Variants in VAV1 observed in about 807,000 individuals in gnomAD.
VAV1 encodes the protein vav guanine nucleotide exchange factor 1.
In VAV1, 33 loss-of-function variants were observed where a neutral mutation model predicts 128.1. That is an observed-to-expected ratio of 0.26 (90% CI 0.20 to 0.34). The LOEUF (loss-of-function observed/expected upper bound fraction) is 0.34, where lower values mean the gene tolerates loss of function less well. Among genes scored for constraint, VAV1 ranks in the 10% least tolerant of loss-of-function variants. The pLI is 1.00. For synonymous variants in VAV1, 394 were observed against 409.8 expected (o/e 0.96, Z 0.47); for missense variants, 715 against 1,093.7 (o/e 0.65, Z 4.88).
intron 6 of VAV1, among the ~76,000 whole-genome samples, chr19:6,823,497 T>C (rs1054395277): frequency 6.6e-6 from 1 of 151,230 alleles, no homozygotes; most frequent in African/African-American, 2.4e-5. Context: ...AGATATGTAA[T>C]AGATACAAAT....
chr19:6,843,315 C>A, intron 22 of VAV1, 149 bp downstream of exon 22: 1 of 893,916 alleles, frequency 1.1e-6, no homozygotes, highest in Non-Finnish European at 1.8e-6. Context: ...CTGGGGGCTG[C>A]TGGGGATGGG....
At position 6,822,075 on chromosome 19, in the gene VAV1, T is replaced by C. The variant is rs1033670809; in HGVS notation, c.450-146T>C. On this transcript the variant is annotated intron_variant, in intron 4 of 26. Coordinates refer to ENST00000602142, the MANE Select transcript of VAV1 (RefSeq NM_005428.4). This position sits in a 1 kb window ranked among gnomAD's most constrained non-coding sequence, Gnocchi z 5.9. ...GGTCTTGGGGGACATGGCCCTGCCC[T>C]GGAGCTTGGAGGGACATGGCCTGCC... 29 of 991,406 alleles carry C rather than the reference T, an allele frequency of 2.9e-5. No individual in the cohort carries two copies. The highest frequency in any genetic ancestry group is 4.1e-5 in the Non-Finnish European group (27 of 662,532). 61.4% of individuals were successfully genotyped at this position (991,406 alleles called of 1,614,324 possible).
intron 1 of VAV1, among the ~76,000 whole-genome samples, chr19:6,796,449 C>T (rs776744161): frequency 5.3e-5 from 8 of 152,296 alleles, no homozygotes; most frequent in East Asian, 1.9e-4. Flanking sequence ...CCCTCCCCCT[C>T]GCTTACTCTG....
Position 6,833,525 on chromosome 19 carries a change from C to T in VAV1, c.1611-3C>T. 6.3e-7 allele frequency: 1 copy of T among 1,598,078 alleles called. No homozygotes were observed. The highest frequency in any genetic ancestry group is 8.5e-7 in the Non-Finnish European group (1 of 1,171,198). On this transcript the variant is annotated splice_region_variant and splice_polypyrimidine_tract_variant and intron_variant, in intron 16 of 26. Transcript: ENST00000602142. ...TCTTCTTTATGTGTTCCCTGCATCT[C>T]AGAGGTACCTTCTATCAGGGCTACC...
intron 15 of VAV1, 28 bp from the exon 16 acceptor site, chr19:6,833,151 CTTTTT>C: frequency 7.0e-7 from 1 of 1,419,694 alleles, no homozygotes; most frequent in Non-Finnish European, 9.6e-7. Context: ...TACTGACCTT[CTTTTT>C]TTTTTTTTTT....
chr19:6,848,154 G>A, intron 23 of VAV1, 40 bp downstream of exon 23: 2 of 1,499,394 alleles, frequency 1.3e-6, no homozygotes, highest in Non-Finnish European at 1.8e-6. Context: ...TTTGGGGCCT[G>A]GGCCCTGCGG....
At chr19:6,834,106 G>A (rs572176024) in intron 19 of VAV1, among the ~76,000 whole-genome samples, 153 bp downstream of exon 19, 20 of 152,060 alleles carry the variant, frequency 1.3e-4, no homozygotes, top group Non-Finnish European at 2.5e-4. Context: ...GGAGGCCAAG[G>A]CGGGAGGATC....
intron 1 of VAV1, among the ~76,000 whole-genome samples, chr19:6,796,540 C>T (rs1477230825): frequency 6.6e-6 from 1 of 152,164 alleles, no homozygotes; most frequent in African/African-American, 2.4e-5. Context: ...GCCTGAAATG[C>T]TTTTTTCTCA....
intron 23 of VAV1, 84 bp downstream of exon 23, chr19:6,848,198 T>C: frequency 7.5e-7 from 1 of 1,341,820 alleles, no homozygotes; most frequent in Non-Finnish European, 1.0e-6. Context: ...TTTTACTTTA[T>C]AGAAGTGTAC....
intron 1 of VAV1, among the ~76,000 whole-genome samples, chr19:6,788,524 G>T (rs990319638): frequency 4.0e-5 from 6 of 151,712 alleles, no homozygotes; most frequent in Non-Finnish European, 8.8e-5. Flanking sequence ...AGACAGGTAG[G>T]TGCCACCACA....
chr19:6,778,701 G>A (rs569297178), intron 1 of VAV1, among the ~76,000 whole-genome samples: 1 of 152,086 alleles, frequency 6.6e-6, no homozygotes, highest in East Asian at 1.9e-4. Context: ...ATTCCAGCCT[G>A]GGCAACAGAG....
At chr19:6,780,063 AT>A (rs1240173286) in intron 1 of VAV1, among the ~76,000 whole-genome samples, 1 of 147,704 alleles carries the variant, frequency 6.8e-6, no homozygotes, top group African/African-American at 2.5e-5. Context: ...GTGAGCCGAG[AT>A]CAGGCCACTG....
intron 1 of VAV1, chr19:6,784,129 C>A: frequency 2.0e-6 from 1 of 508,320 alleles, no homozygotes; most frequent in South Asian, 3.1e-5. Flanking sequence ...TGGTGCACGC[C>A]TATAGTCTCA....
chr19:6,792,297 C>T (rs1971034659), intron 1 of VAV1, among the ~76,000 whole-genome samples: 2 of 151,240 alleles, frequency 1.3e-5, no homozygotes, highest in Non-Finnish European at 2.9e-5. Flanking sequence ...ATCCAGCTCA[C>T]ATTTTCATTG....
At chr19:6,834,077 C>G (rs1037372118) in intron 19 of VAV1, 124 bp downstream of exon 19, 1 of 1,377,310 alleles carries the variant, frequency 7.3e-7, no homozygotes, top group East Asian at 2.4e-5. Context: ...TAGCTCACAC[C>G]TGTAATCCCA....
At chr19:6,829,316 G>C (rs1236653804) in intron 13 of VAV1, among the ~76,000 whole-genome samples, 2 of 151,322 alleles carry the variant, frequency 1.3e-5, no homozygotes, top group African/African-American at 2.4e-5. Context: ...TAGGCAGTTG[G>C]GTGGAGTCAA....
intron 1 of VAV1, among the ~76,000 whole-genome samples, chr19:6,773,507 C>T (rs1177158265): frequency 6.6e-6 from 1 of 152,198 alleles, no homozygotes; most frequent in Admixed American, 6.5e-5. Flanking sequence ...ATCTTCCTTC[C>T]CCTTGGCTTC....
At chr19:6,801,959 G>A (rs1020919931) in intron 1 of VAV1, among the ~76,000 whole-genome samples, 1 of 152,162 alleles carries the variant, frequency 6.6e-6, no homozygotes, top group African/African-American at 2.4e-5. Context: ...AGCACAGTGG[G>A]TGCCCGCCTC....
chr19:6,798,407 T>G (rs1251845266), intron 1 of VAV1, among the ~76,000 whole-genome samples: 1 of 151,726 alleles, frequency 6.6e-6, no homozygotes, highest in Non-Finnish European at 1.5e-5. Context: ...GTGGGAGGAT[T>G]GCTTGAGTTT....
Sources: allele counts gnomAD v4.1 joint callset (sites outside exome capture counted in the v4.1 genomes callset), GRCh38; gene constraint gnomAD v4.1.1; non-coding constraint Gnocchi (gnomAD v3.1); transcripts MANE v1.5; gene names NCBI Gene and HGNC (gene_info 2026-07-23, HGNC 2026-07-21).